Variants in ZDHHC5 observed in about 807,000 individuals in gnomAD.
ZDHHC5 encodes the protein zDHHC palmitoyltransferase 5.
ZDHHC5 carries 22 observed loss-of-function variants against 70.0 expected under a neutral mutation model. That is an observed-to-expected ratio of 0.31 (90% CI 0.22 to 0.45). The LOEUF is 0.45. ZDHHC5 is among the 20% of genes least tolerant of loss of function. The probability of loss-of-function intolerance (pLI) is 1.00; values close to 1 mark genes in which losing one functional copy is unlikely to be tolerated. For missense variants in ZDHHC5, 746 were observed against 926.9 expected (o/e 0.80, Z 2.53); for synonymous variants, 313 against 347.8 (o/e 0.90, Z 1.11).
At chr11:57,697,936 C>T (rs974161601) in intron 10 of ZDHHC5, among the ~76,000 whole-genome samples, 5 of 151,546 alleles carry the variant, frequency 3.3e-5, no homozygotes, top group African/African-American at 1.2e-4. Flanking sequence ...GAGTTTGAGA[C>T]CAGCCTGGCC....
chr11:57,688,778 C>A, intron 4 of ZDHHC5, 113 bp downstream of exon 4: 1 of 1,172,546 alleles, frequency 8.5e-7, no homozygotes, highest in Non-Finnish European at 1.1e-6. Flanking sequence ...ACTACGTTGG[C>A]CACATGGTCC....
chr11:57,677,900 C>T (rs1024423177), intron 2 of ZDHHC5, among the ~76,000 whole-genome samples: 2 of 152,212 alleles, frequency 1.3e-5, no homozygotes, highest in African/African-American at 2.4e-5. Context: ...CCAGGTCCTA[C>T]GTCTCACATT....
chr11:57,671,665 A>G (rs984751946), intron 1 of ZDHHC5, among the ~76,000 whole-genome samples: 5 of 152,194 alleles, frequency 3.3e-5, no homozygotes, highest in Non-Finnish European at 7.3e-5. Flanking sequence ...CCAAAGAGAA[A>G]TCTTTGTTCT....
intron 2 of ZDHHC5, among the ~76,000 whole-genome samples, chr11:57,680,970 A>G (rs1412719929): frequency 6.6e-6 from 1 of 152,196 alleles, no homozygotes; most frequent in Non-Finnish European, 1.5e-5. Context: ...TTGTCTGCTA[A>G]TTGTGTACTG....
intron 1 of ZDHHC5, among the ~76,000 whole-genome samples, chr11:57,668,910 A>T (rs1945963303): frequency 6.6e-6 from 1 of 152,272 alleles, no homozygotes; most frequent in Non-Finnish European, 1.5e-5. Flanking sequence ...GAAGTAAGAA[A>T]GTTGCTAAAA....
Position 57,672,970 on chromosome 11 carries a change from G to GT in ZDHHC5, c.-118dup. The GT allele has an allele frequency of 1.2e-6, 1 of 855,050 alleles. No individual in the cohort carries two copies. Among genetic ancestry groups the GT allele is most frequent in the Non-Finnish European group, 1.8e-6 (1 of 545,360 alleles). The allele number at this position is 855,050 out of a possible 1,614,324, so 53.0% of individuals were successfully genotyped here. A position where few individuals can be genotyped will look rare whatever the true frequency, so the allele number is the denominator to read the frequency against. ...AGGGGGAAGGGTGATAAAGTTTTCT[G>GT]TTTCCCTGGTTTTCTTTTGTACTCC... On this transcript the variant is annotated 5_prime_UTR_variant, in exon 2 of 12. Transcript: ENST00000287169.
In ZDHHC5 at chr11:57,699,046, C is replaced by T. The variant is rs759799669; in HGVS notation, c.1610C>T (p.Ser537Leu). The T allele has an allele frequency of 2.6e-5, 42 of 1,612,354 alleles. No individual in the cohort carries two copies. In the African/African-American group the frequency reaches 3.5e-4, roughly 13 times the overall value. ...TCACCAGTCCGTTACGACAATCTGT[C>T]GCGCCACATTGTGGCCTCTCTCCAG... ...EPSPVRYDNL[S>L]RHIVASLQER... Residue 537 changes from serine to leucine, a missense_variant, in exon 11 of 12, where the codon TCG becomes TTG. Coordinates refer to ENST00000287169, the MANE Select transcript of ZDHHC5 (RefSeq NM_015457.3).
chr11:57,690,009 A>G (rs1331730050), intron 4 of ZDHHC5, 22 bp from the exon 5 acceptor site: 1 of 1,612,956 alleles, frequency 6.2e-7, no homozygotes, highest in Non-Finnish European at 8.5e-7. Flanking sequence ...GATGCCTCTC[A>G]TCTGTCTCTC....
Position 57,699,952 on chromosome 11 carries a change from C to T in ZDHHC5, c.2069C>T (p.Pro690Leu), listed in dbSNP as rs758348552. The T allele has an allele frequency of 8.7e-6, 14 of 1,614,100 alleles. No individual in the cohort carries two copies. The African/African-American group carries it at 1.3e-4, about 15-fold the overall frequency. ...TCAGCCTCCCCTGGCCCAGGCCAGC[C>T]ACCTCTCAGTAGCCCCACGAGGGGA... is the stretch of plus-strand genomic sequence containing the variant. ...LGSASPGPGQ[P>L]PLSSPTRGGV... Residue 690 changes from proline (P) to leucine (L), a missense_variant, in exon 12 of 12, where the codon CCA becomes CTA. Coordinates refer to ENST00000287169, the MANE Select transcript of ZDHHC5 (RefSeq NM_015457.3).
At chr11:57,686,419 A>G in intron 3 of ZDHHC5, among the ~76,000 whole-genome samples, 1 of 151,630 alleles carries the variant, frequency 6.6e-6, no homozygotes, top group African/African-American at 2.4e-5. Context: ...GGGTTCAAGC[A>G]ATTATTCTAC....
chr11:57,672,988 T>C lies in ZDHHC5; in HGVS notation c.-103T>C. 1 of 1,056,798 alleles carries C rather than the reference T, an allele frequency of 9.5e-7. No homozygotes were observed. Among genetic ancestry groups the C allele is most frequent in the Non-Finnish European group, 1.4e-6 (1 of 702,026 alleles). 65.5% of individuals were successfully genotyped at this position (1,056,798 alleles called of 1,614,324 possible). On this transcript the variant is annotated 5_prime_UTR_variant, in exon 2 of 12. Coordinates refer to ENST00000287169, the MANE Select transcript of ZDHHC5 (RefSeq NM_015457.3). ...GTTTTCTGTTTCCCTGGTTTTCTTT[T>C]GTACTCCTCTCTGTTGCTTCCCTCC...
intron 2 of ZDHHC5, among the ~76,000 whole-genome samples, chr11:57,677,283 ATT>A (rs1170220902): frequency 1.2e-4 from 10 of 81,680 alleles, no homozygotes; most frequent in Middle Eastern, 0.011. Context: ...GCTTCACGTG[ATT>A]TTTTTTTTTT....
intron 2 of ZDHHC5, among the ~76,000 whole-genome samples, chr11:57,677,882 A>G (rs1329632825): frequency 6.6e-6 from 1 of 152,198 alleles, no homozygotes; most frequent in Non-Finnish European, 1.5e-5. Context: ...TTATCCAGGA[A>G]TAAGTGCCCA....
chr11:57,669,853 A>G (rs961977623), intron 1 of ZDHHC5, among the ~76,000 whole-genome samples: 1 of 152,220 alleles, frequency 6.6e-6, no homozygotes, highest in East Asian at 1.9e-4. Flanking sequence ...TCATCCTAGT[A>G]TCTGCAGCAC....
rs1355544226 is a variant in ZDHHC5 at position 57,672,752 on chromosome 11, T to G, written c.-339T>G. On this transcript the variant is annotated 5_prime_UTR_variant, in exon 2 of 12. Transcript: ENST00000287169. ...ATCTTGATCTGTCTGACTGTCCATG[T>G]TTTCCACCTGCAACCATTTGCATGT... 1 of 239,756 alleles carries G rather than the reference T, an allele frequency of 4.2e-6. No homozygotes were observed. Among genetic ancestry groups the G allele is most frequent in the African/African-American group, 2.3e-5 (1 of 44,078 alleles). The allele number at this position is 239,756 out of a possible 1,614,324, so 14.9% of individuals were successfully genotyped here.
At chr11:57,670,917 T>C (rs974029833) in intron 1 of ZDHHC5, among the ~76,000 whole-genome samples, 1 of 151,782 alleles carries the variant, frequency 6.6e-6, no homozygotes, top group Non-Finnish European at 1.5e-5. Context: ...TTCAAGTGAT[T>C]CTCCTGCCTC....
chr11:57,698,146 C>CACACAA (rs1187461606), intron 10 of ZDHHC5, among the ~76,000 whole-genome samples: 1 of 151,586 alleles, frequency 6.6e-6, no homozygotes, highest in Non-Finnish European at 1.5e-5. Context: ...CACACACACA[C>CACACAA]ACAAACAAAT....
chr11:57,689,323 C>T (rs1307173112), intron 4 of ZDHHC5, among the ~76,000 whole-genome samples: 1 of 151,976 alleles, frequency 6.6e-6, no homozygotes, highest in Admixed American at 6.6e-5. Context: ...TTTAGAGTTC[C>T]TTGGTCACAT....
intron 2 of ZDHHC5, among the ~76,000 whole-genome samples, chr11:57,680,377 A>G (rs1019980469): frequency 6.6e-6 from 1 of 152,204 alleles, no homozygotes; most frequent in Non-Finnish European, 1.5e-5. Flanking sequence ...ACCCTGTCTC[A>G]AAAAACAAAA....
Sources: allele counts gnomAD v4.1 joint callset (sites outside exome capture counted in the v4.1 genomes callset), GRCh38; gene constraint gnomAD v4.1.1; transcripts MANE v1.5; gene names NCBI Gene and HGNC (gene_info 2026-07-23, HGNC 2026-07-21).